The following GRM3 variants were observed in gnomAD, a reference collection of about 807,000 sequenced individuals.
GRM3 encodes the protein glutamate metabotropic receptor 3, also known as metabotropic glutamate receptor 3.
In GRM3, 26 loss-of-function variants were observed where a neutral mutation model predicts 70.5. The ratio of observed to expected loss-of-function variants is 0.37; its 90% CI spans 0.27 to 0.51. GRM3 has a LOEUF of 0.51. GRM3 is among the 20% of genes least tolerant of loss of function. The pLI, the probability that GRM3 is intolerant of heterozygous loss-of-function variation, is 0.93. For missense variants in GRM3, 859 were observed against 1,123.8 expected, an observed-to-expected ratio of 0.76 and a Z score of 3.37; for synonymous variants, 443 against 434.9, an observed-to-expected ratio of 1.02 and a Z score of -0.23.
chr7:86,663,198 A>G (rs1264791262), intron 1 of GRM3, among the ~76,000 whole-genome samples: 2 of 151,936 alleles, frequency 1.3e-5, no homozygotes, highest in Non-Finnish European at 2.9e-5. Flanking sequence ...AGTTACACCT[A>G]GAAGTTACAG....
chr7:86,783,483 T>C (rs1355801533), intron 2 of GRM3, among the ~76,000 whole-genome samples: 1 of 151,532 alleles, frequency 6.6e-6, no homozygotes, highest in Non-Finnish European at 1.5e-5. Context: ...CATAAAAAGT[T>C]ATTGTGACTA....
intron 1 of GRM3, among the ~76,000 whole-genome samples, chr7:86,748,054 C>G (rs1446757514): frequency 6.6e-6 from 1 of 152,018 alleles, no homozygotes; most frequent in East Asian, 1.9e-4. Context: ...AAGTTGTTCC[C>G]TTTCACAAGG....
At chr7:86,679,491 C>T (rs1794390963) in intron 1 of GRM3, among the ~76,000 whole-genome samples, 1 of 151,786 alleles carries the variant, frequency 6.6e-6, no homozygotes, top group Admixed American at 6.6e-5. Context: ...TCAGAGGAAT[C>T]GAGGATAAAG....
intron 1 of GRM3, among the ~76,000 whole-genome samples, chr7:86,703,784 C>G (rs1794997257): frequency 6.6e-6 from 1 of 151,866 alleles, no homozygotes; most frequent in African/African-American, 2.4e-5. Context: ...CACTGAAACA[C>G]CTCAGTCCCT....
chr7:86,667,330 A>AT (rs1463925305), intron 1 of GRM3, among the ~76,000 whole-genome samples: 3 of 152,070 alleles, frequency 2.0e-5, no homozygotes, highest in African/African-American at 4.8e-5. Flanking sequence ...AAGATATATA[A>AT]TATTATGTAT....
intron 1 of GRM3, among the ~76,000 whole-genome samples, chr7:86,648,005 A>G (rs1299023027): frequency 6.6e-6 from 1 of 152,196 alleles, no homozygotes; most frequent in Admixed American, 6.5e-5. Flanking sequence ...CTTAATTCCT[A>G]TTATAAACCT....
At chr7:86,821,941 C>CTTT (rs113685892) in intron 3 of GRM3, among the ~76,000 whole-genome samples, 44 of 143,372 alleles carry the variant, frequency 3.1e-4, no homozygotes, top group African/African-American at 9.9e-4. Context: ...CTTAGAGCAA[C>CTTT]TTTTTTTTTT....
chr7:86,700,414 C>T (rs1527762), intron 1 of GRM3, among the ~76,000 whole-genome samples: 3,969 of 151,668 alleles, frequency 0.026, 145 homozygotes, highest in African/African-American at 0.091. Context: ...TTTTTAATTG[C>T]GAGGTGAAAT....
At chr7:86,705,566 A>AT (rs891398591) in intron 1 of GRM3, among the ~76,000 whole-genome samples, 4 of 152,032 alleles carry the variant, frequency 2.6e-5, no homozygotes, top group African/African-American at 9.7e-5. Flanking sequence ...AGCCTTTTAA[A>AT]TTTTTTTGTA....
In GRM3 at chr7:86,786,903, C is replaced by A; in HGVS notation, c.1111C>A (p.Arg371Ser). Residue 371 changes from arginine (R) to serine (S), a missense_variant, in exon 3 of 6, where the codon CGC (arginine) becomes AGC (serine). Arg to Ser is a moderately radical substitution (Grantham distance 110). Transcript: ENST00000361669. The surrounding 1 kb of genome is among the most constrained non-coding windows in gnomAD (Gnocchi z 6.0). The part of the protein sequence containing the change: ...CSLQNKRNHR[R>S]VCDKHLAIDS... The stretch of plus-strand genomic sequence containing the variant: ...CCTCCAGAACAAACGCAACCACAGG[C>A]GCGTCTGCGACAAGCACCTGGCCAT... 4 of 1,613,928 alleles carry A rather than the reference C, an allele frequency of 2.5e-6. No individual in the cohort carries two copies. Among genetic ancestry groups the A allele is most frequent in the African/African-American group, 1.3e-5 (1 of 75,056 alleles).
At chr7:86,741,012 G>A (rs1795978373) in intron 1 of GRM3, among the ~76,000 whole-genome samples, 1 of 152,184 alleles carries the variant, frequency 6.6e-6, no homozygotes, top group Admixed American at 6.6e-5. Flanking sequence ...GACCTTGGCA[G>A]TCAGGCAAAG....
chr7:86,847,113 A>G (rs1040397696), intron 4 of GRM3, among the ~76,000 whole-genome samples: 10 of 152,162 alleles, frequency 6.6e-5, no homozygotes, highest in African/African-American at 2.4e-4. Context: ...AGGGAACCTG[A>G]ATCTTTTATA....
intron 3 of GRM3, among the ~76,000 whole-genome samples, chr7:86,795,867 T>A (rs145667100): frequency 7.7e-4 from 118 of 152,318 alleles, no homozygotes; most frequent in African/African-American, 2.7e-3. Flanking sequence ...CCACCAATAG[T>A]GTAAAAGCAT....
chr7:86,652,756 T>C lies in GRM3; in HGVS notation c.-141+7884T>C, dbSNP rs538152874. On this transcript the variant is annotated intron_variant, in intron 1 of 5. Coordinates refer to ENST00000361669, the MANE Select transcript of GRM3 (RefSeq NM_000840.3). ...CCTTTCCTTTATACTCCCCCATGTA[T>C]TGAACAACAACAACAAAAATCATCT... Among the ~76,000 whole-genome samples the C allele has an allele frequency of 2.0e-5, 3 of 152,340 alleles. No homozygotes were observed. The East Asian group carries it at 5.8e-4, about 29-fold the overall frequency.
chr7:86,664,289 T>C (rs562424534), intron 1 of GRM3, among the ~76,000 whole-genome samples: 8 of 151,910 alleles, frequency 5.3e-5, no homozygotes, highest in Non-Finnish European at 8.8e-5. Flanking sequence ...GACATTGAAA[T>C]AACAGGTGAA....
intron 1 of GRM3, among the ~76,000 whole-genome samples, chr7:86,759,979 A>C (rs760972097): frequency 2.0e-5 from 3 of 152,154 alleles, no homozygotes; most frequent in Non-Finnish European, 2.9e-5. Flanking sequence ...TGTTGCCCAT[A>C]ATACTGACAG....
intron 3 of GRM3, among the ~76,000 whole-genome samples, chr7:86,816,165 C>T (rs1163116511): frequency 6.6e-6 from 1 of 151,834 alleles, no homozygotes; most frequent in African/African-American, 2.4e-5. Context: ...AGTAGGCACT[C>T]CAGCCAAGGC....
intron 3 of GRM3, among the ~76,000 whole-genome samples, chr7:86,819,042 A>C (rs1447770839): frequency 6.6e-6 from 1 of 152,136 alleles, no homozygotes; most frequent in East Asian, 1.9e-4. Flanking sequence ...CTTTATTGTA[A>C]GATGAATTCG....
chr7:86,813,206 C>G lies in GRM3; in HGVS notation c.1325-25633C>G, dbSNP rs569925462. Among the ~76,000 whole-genome samples, 12 of 151,872 alleles carry G rather than the reference C, an allele frequency of 7.9e-5. No individual in the cohort carries two copies. The South Asian group carries it at 2.5e-3, about 31-fold the overall frequency. On this transcript the variant is annotated intron_variant, in intron 3 of 5. Coordinates refer to ENST00000361669, the MANE Select transcript of GRM3 (RefSeq NM_000840.3). ...AAATTCTCCCTGTAAAGCTAATTAA[C>G]TAGATAAAAGGTTCATATCAGCCTT...
Sources: gnomAD v4.1 joint callset for allele counts (sites outside exome capture counted in the v4.1 genomes callset) on GRCh38, gnomAD v4.1.1 for gene constraint, Gnocchi (gnomAD v3.1) non-coding constraint, MANE v1.5 for transcripts, NCBI Gene and HGNC (gene_info 2026-07-23, HGNC 2026-07-21) for gene names.